SYNPO2: variants seen among roughly 807,000 people sequenced by gnomAD.
The protein encoded by SYNPO2 is synaptopodin 2.
Under a neutral mutation model 85.0 loss-of-function variants are expected in SYNPO2, and 56 were observed. The ratio of observed to expected loss-of-function variants is 0.66; its 90% CI spans 0.53 to 0.82. The LOEUF (loss-of-function observed/expected upper bound fraction) is 0.82. Ranked by LOEUF, SYNPO2 falls within the 40% of genes least tolerant of loss-of-function variation. The pLI is 0.00. For missense variants in SYNPO2, 1,575 were observed against 1,534.2 expected (o/e 1.03, Z -0.44); for synonymous variants, 602 against 591.1 (o/e 1.02, Z -0.27).
rs189971396 is a variant in SYNPO2 at position 119,033,485 on chromosome 4, C to T, written c.3252+1458C>T. 415 of 985,326 alleles carry T rather than the reference C, an allele frequency of 4.2e-4. 1 individual carries two copies. The Admixed American group carries it at 4.9e-3, about 12-fold the overall frequency. The allele number at this position is 985,326 out of a possible 1,614,324, so 61.0% of individuals were successfully genotyped here. On this transcript the variant is annotated intron_variant, in intron 4 of 4. Transcript: ENST00000307142. The stretch of plus-strand genomic sequence containing the variant: ...GATCTATTTTAAGTCTGAGTCTGAC[C>T]AACCATGGAAAATATTCGACATGAA...
chr4:118,888,830 T>C (rs1732260766), upstream of SYNPO2: 3 of 594,964 alleles, frequency 5.0e-6, no homozygotes, highest in Non-Finnish European at 8.9e-6. Flanking sequence ...CGCCTCTGCC[T>C]CCTTGAGAAT....
intron 2 of SYNPO2, among the ~76,000 whole-genome samples, chr4:119,024,694 A>T (rs1197165996): frequency 6.7e-6 from 1 of 149,946 alleles, no homozygotes; most frequent in African/African-American, 2.5e-5. Flanking sequence ...AATAAAAAAA[A>T]TTACAAAGTA....
intron 1 of SYNPO2, among the ~76,000 whole-genome samples, chr4:118,900,042 G>A (rs187592280): frequency 1.8e-4 from 28 of 152,264 alleles, no homozygotes; most frequent in East Asian, 5.8e-4. Flanking sequence ...GATTACAGGC[G>A]TGAGCCACCG....
Position 119,058,732 on chromosome 4 carries a change from C to T in SYNPO2, c.*798C>T, listed in dbSNP as rs1293858303. 6.6e-6 allele frequency: 1 copy of T among 151,962 alleles called. No homozygotes were observed. Among genetic ancestry groups the T allele is most frequent in the Non-Finnish European group, 1.5e-5 (1 of 68,004 alleles). The allele number at this position is 151,962 out of a possible 1,614,324, so 9.4% of individuals were successfully genotyped here. A position where few individuals can be genotyped will look rare whatever the true frequency, so the allele number is the denominator to read the frequency against. On this transcript the variant is annotated 3_prime_UTR_variant, in exon 5 of 5. Transcript: ENST00000307142. ...TCGTGATCTGCCCGCCTCAGCCTCC[C>T]AAAGTGCTGGGATTACAGGCGTGAG...
At chr4:118,980,450 C>G (rs1333938028) in intron 1 of SYNPO2, among the ~76,000 whole-genome samples, 1 of 152,142 alleles carries the variant, frequency 6.6e-6, no homozygotes, top group East Asian at 1.9e-4. Flanking sequence ...CTTCCTTGGC[C>G]TGCATCCTCC....
At chr4:118,879,157 T>G (rs1299352883) in intron 1 of SYNPO2, among the ~76,000 whole-genome samples, 1 of 152,052 alleles carries the variant, frequency 6.6e-6, no homozygotes, top group Non-Finnish European at 1.5e-5. Context: ...CATCTGAACA[T>G]CTGAAGGAAC....
intron 1 of SYNPO2, among the ~76,000 whole-genome samples, chr4:118,879,371 G>A (rs534201994): frequency 4.7e-4 from 71 of 152,258 alleles, no homozygotes; most frequent in Admixed American, 9.8e-4. Context: ...TTCATATGTT[G>A]AATCCTAAAT....
At chr4:119,012,369 CCTTT>C (rs1737344286) in intron 1 of SYNPO2, among the ~76,000 whole-genome samples, 2 of 105,404 alleles carry the variant, frequency 1.9e-5, no homozygotes, top group African/African-American at 8.1e-5. Context: ...TTTTTTTCCC[CCTTT>C]TCTTTTTTTT....
chr4:118,939,170 A>G (rs1289882179), intron 1 of SYNPO2, among the ~76,000 whole-genome samples: 1 of 152,246 alleles, frequency 6.6e-6, no homozygotes, highest in Non-Finnish European at 1.5e-5. Flanking sequence ...GTGTGTGCAC[A>G]GTTGGTTTAG....
At position 118,961,400 on chromosome 4, in the gene SYNPO2, A is replaced by G. The variant is rs139178051; in HGVS notation, c.106-62030A>G. On this transcript the variant is annotated intron_variant, in intron 1 of 4. Transcript: ENST00000307142. ...CGCTGGCTTTTATTTCATTCTTCAG[A>G]CATGCTAAGCTTGCCCACCTCTCAG... Among the ~76,000 whole-genome samples the G allele has an allele frequency of 1.0e-2, 1,517 of 152,148 alleles. 23 individuals are homozygous for G. Among genetic ancestry groups the G allele is most frequent in the African/African-American group, 0.034 (1,413 of 41,510 alleles).
intron 3 of SYNPO2, 67 bp downstream of exon 3, chr4:119,027,505 C>A: frequency 7.2e-7 from 1 of 1,394,936 alleles, no homozygotes; most frequent in South Asian, 1.7e-5. Flanking sequence ...TCTTTGCTTG[C>A]ATGAGTTTTT....
At chr4:119,008,408 C>T (rs138606964) in intron 1 of SYNPO2, among the ~76,000 whole-genome samples, 2 of 150,458 alleles carry the variant, frequency 1.3e-5, no homozygotes, top group African/African-American at 2.4e-5. Flanking sequence ...TGGACATTTG[C>T]GAGCACACTG....
At chr4:119,028,350 G>A (rs1738069372) in intron 3 of SYNPO2, among the ~76,000 whole-genome samples, 1 of 151,664 alleles carries the variant, frequency 6.6e-6, no homozygotes, top group Non-Finnish European at 1.5e-5. Flanking sequence ...AGGATATTAA[G>A]TCTTCTAACC....
In SYNPO2 at chr4:119,031,632, A is replaced by G; in HGVS notation, c.2857A>G (p.Lys953Glu). 2 of 1,614,196 alleles carry G rather than the reference A, an allele frequency of 1.2e-6. No homozygotes were observed. The highest frequency in any genetic ancestry group is 1.7e-6 in the Non-Finnish European group (2 of 1,180,036). ...TGCACAGCCCTCCAAAATGGGCAAG[A>G]AAAAGGGAAAGAAACCCCTCAATGC... ...SAAQPSKMGKKKGKKPLNALD... is the reference protein window; with the variant it reads ...SAAQPSKMGKEKGKKPLNALD... The change falls in exon 4 of 5, where the codon AAA becomes GAA. Residue 953 changes from lysine to glutamate, a missense_variant. Coordinates refer to ENST00000307142, the MANE Select transcript of SYNPO2 (RefSeq NM_133477.3).
chr4:118,977,035 G>A (rs537794068), intron 1 of SYNPO2, among the ~76,000 whole-genome samples: 8 of 152,182 alleles, frequency 5.3e-5, no homozygotes, highest in Non-Finnish European at 5.9e-5. Flanking sequence ...CTGCCAGTCC[G>A]GCGCCGTGCG....
In SYNPO2 at chr4:118,958,018, GAC is replaced by G. The variant is rs538284519; in HGVS notation, c.106-65408_106-65407del. ...AGTGCTGAGATGAGCTAATTCTCTA[GAC>G]ACATAAAAGAGCTGCTTGTTGAACT... On this transcript the variant is annotated intron_variant, in intron 1 of 4. Coordinates refer to ENST00000307142, the MANE Select transcript of SYNPO2 (RefSeq NM_133477.3). 1.5e-3 allele frequency among the ~76,000 whole-genome samples: 234 copies of G among 152,274 alleles called. No individual in the cohort carries two copies. In the Middle Eastern group the frequency reaches 0.017, roughly 11 times the overall value.
chr4:118,900,703 C>CTATATATATATATATATATA (rs373144800), intron 1 of SYNPO2, among the ~76,000 whole-genome samples: 5 of 43,888 alleles, frequency 1.1e-4, no homozygotes, highest in African/African-American at 1.6e-4. Flanking sequence ...CTCTCTCTCT[C>CTATATATATATATATATATA]TATATATATA....
chr4:118,867,560 G>A (rs1367619498), intron 1 of SYNPO2, among the ~76,000 whole-genome samples: 1 of 151,156 alleles, frequency 6.6e-6, no homozygotes, highest in Non-Finnish European at 1.5e-5. Flanking sequence ...ATAGGACATA[G>A]TGAATGAATG....
chr4:118,924,384 A>T (rs1476162007), intron 1 of SYNPO2, among the ~76,000 whole-genome samples: 3 of 152,196 alleles, frequency 2.0e-5, no homozygotes, highest in African/African-American at 7.2e-5. Flanking sequence ...AGTTGTTATC[A>T]TTAGAGATGA....
Sources: allele counts gnomAD v4.1 joint callset (sites outside exome capture counted in the v4.1 genomes callset), GRCh38; gene constraint gnomAD v4.1.1; transcripts MANE v1.5; gene names NCBI Gene and HGNC (gene_info 2026-07-23, HGNC 2026-07-21).